The following ZFAND6 variants were observed in gnomAD, a reference collection of about 807,000 sequenced individuals.
The protein encoded by ZFAND6 is AN1-type zinc finger protein 6.
ZFAND6 carries 12 observed loss-of-function variants against 24.5 expected under a neutral mutation model. The ratio of observed to expected loss-of-function variants is 0.49; its 90% CI spans 0.31 to 0.79. ZFAND6 has a LOEUF of 0.79. ZFAND6 is among the 30% of genes least tolerant of loss of function. ZFAND6 has a pLI of 0.04. For synonymous variants in ZFAND6, 92 were observed against 81.5 expected (o/e 1.13, Z -0.69); for missense variants, 207 against 245.9 (o/e 0.84, Z 1.06).
At chr15:80,114,403 T>C (rs951785352) in intron 2 of ZFAND6, among the ~76,000 whole-genome samples, 1 of 152,144 alleles carries the variant, frequency 6.6e-6, no homozygotes, top group Non-Finnish European at 1.5e-5. Flanking sequence ...AATGCTAGGT[T>C]GAGTACTCCT....
At chr15:80,104,804 T>A (rs1387679375) in intron 2 of ZFAND6, among the ~76,000 whole-genome samples, 2 of 152,228 alleles carry the variant, frequency 1.3e-5, no homozygotes, top group Admixed American at 1.3e-4. Context: ...ACATTTTATT[T>A]ATTGACAGTA....
intron 1 of ZFAND6, among the ~76,000 whole-genome samples, chr15:80,090,859 C>G (rs2038315302): frequency 6.6e-6 from 1 of 152,128 alleles, no homozygotes; most frequent in African/African-American, 2.4e-5. Context: ...TTTTATTGGT[C>G]TTCTAAATTT....
At chr15:80,077,726 G>A (rs2037373839) in intron 1 of ZFAND6, among the ~76,000 whole-genome samples, 1 of 128,682 alleles carries the variant, frequency 7.8e-6, no homozygotes, top group Non-Finnish European at 1.6e-5. Context: ...TGGAGACAGA[G>A]TCTCGCTCTG....
chr15:80,117,132 T>C (rs2039911216), intron 2 of ZFAND6, among the ~76,000 whole-genome samples: 1 of 152,262 alleles, frequency 6.6e-6, no homozygotes, highest in African/African-American at 2.4e-5. Flanking sequence ...GTCAAGGTTT[T>C]TTTCACTTGA....
intron 1 of ZFAND6, among the ~76,000 whole-genome samples, chr15:80,081,609 G>A (rs911988309): frequency 1.1e-4 from 16 of 152,212 alleles, no homozygotes; most frequent in Non-Finnish European, 2.1e-4. Context: ...CTCAGCCTTT[G>A]CCTCATCTGA....
chr15:80,118,997 A>G (rs182335062), intron 2 of ZFAND6, among the ~76,000 whole-genome samples: 71 of 152,318 alleles, frequency 4.7e-4, no homozygotes, highest in Admixed American at 1.1e-3. Flanking sequence ...CTCATTCTTC[A>G]TGATCTTTGA....
chr15:80,111,493 G>A, intron 2 of ZFAND6: 1 of 455,878 alleles, frequency 2.2e-6, no homozygotes, highest in South Asian at 1.5e-5. Flanking sequence ...AGCCACCTAA[G>A]ATAGGAATGT....
intron 2 of ZFAND6, among the ~76,000 whole-genome samples, chr15:80,108,043 A>G (rs1210413159): frequency 6.6e-6 from 1 of 152,216 alleles, no homozygotes; most frequent in Non-Finnish European, 1.5e-5. Context: ...ATTTCTCTGT[A>G]AAATGAGAGT....
chr15:80,123,421 A>G (rs1022383373), intron 5 of ZFAND6, among the ~76,000 whole-genome samples: 7 of 152,182 alleles, frequency 4.6e-5, no homozygotes, highest in African/African-American at 1.4e-4. Context: ...ATCTCTGCTT[A>G]ATTAGTTGTA....
Position 80,101,791 on chromosome 15 carries a change from G to GTT in ZFAND6, c.-18+3231_-18+3232dup, listed in dbSNP as rs750632508. 1.0e-3 allele frequency among the ~76,000 whole-genome samples: 128 copies of GTT among 123,068 alleles called. 1 individual carries two copies. The highest frequency in any genetic ancestry group is 8.4e-3 in the Middle Eastern group (2 of 238). The allele number at this position is 123,068 out of a possible 152,430, so 80.7% of individuals were successfully genotyped here. On this transcript the variant is annotated intron_variant, in intron 2 of 6. Transcript: ENST00000261749. ...ATTTTCTCTGGGTTTTATGTAAAGT[G>GTT]TTTTTTTTTTTTTTTTTTTGAGACG...
intron 6 of ZFAND6, among the ~76,000 whole-genome samples, chr15:80,131,673 G>A (rs541018278): frequency 5.4e-4 from 83 of 152,326 alleles, no homozygotes; most frequent in South Asian, 1.2e-3. Context: ...TGTGGGTTCA[G>A]TGAGTTAAGA....
At chr15:80,085,556 G>A (rs2037941709) in intron 1 of ZFAND6, among the ~76,000 whole-genome samples, 1 of 152,002 alleles carries the variant, frequency 6.6e-6, no homozygotes, top group Non-Finnish European at 1.5e-5. Flanking sequence ...ATTAATTATG[G>A]AAAATTTGGC....
intron 1 of ZFAND6, among the ~76,000 whole-genome samples, chr15:80,082,173 T>C (rs1418155655): frequency 6.6e-6 from 1 of 152,198 alleles, no homozygotes; most frequent in Non-Finnish European, 1.5e-5. Context: ...ATGGTGTGAC[T>C]GTGAGCAGTG....
chr15:80,132,336 A>G (rs1211819836), intron 6 of ZFAND6, among the ~76,000 whole-genome samples: 3 of 151,540 alleles, frequency 2.0e-5, no homozygotes, highest in Non-Finnish European at 4.4e-5. Flanking sequence ...GTATTTTATC[A>G]TTTACTACCA....
At chr15:80,061,025 C>A (rs930609914) in intron 1 of ZFAND6, among the ~76,000 whole-genome samples, 16 of 152,208 alleles carry the variant, frequency 1.1e-4, no homozygotes, top group African/African-American at 3.9e-4. Flanking sequence ...TGTAAAATAC[C>A]ATAAACTTTT....
chr15:80,118,038 A>G (rs199571356), intron 2 of ZFAND6, among the ~76,000 whole-genome samples: 94 of 60,452 alleles, frequency 1.6e-3, no homozygotes, highest in Admixed American at 3.1e-3. Context: ...GTGTGTGTAT[A>G]TGTATGTATA....
intron 1 of ZFAND6, among the ~76,000 whole-genome samples, chr15:80,092,054 G>T (rs2038409562): frequency 6.6e-6 from 1 of 152,132 alleles, no homozygotes; most frequent in African/African-American, 2.4e-5. Flanking sequence ...GAGTAGAGGT[G>T]ATGTTTTTGT....
Position 80,120,349 on chromosome 15 carries a change from C to A in ZFAND6, c.5C>A (p.Ala2Asp). M[A>D]QETNHSQVPM... ...TCAGGTGTGCAACTGAGGAACATGG[C>A]TCAAGAAACTAATCACAGCCAAGTG... Residue 2 changes from alanine to aspartate, a missense_variant, in exon 3 of 7, where the codon GCT (alanine) becomes GAT (aspartate). Physicochemically the swap from Ala to Asp is moderately radical, Grantham distance 126. Around this residue, in one of 3 missense-constraint regions of ZFAND6, gnomAD observed 29 missense variants for 55.4 expected, o/e 0.52. Transcript: ENST00000261749. 6.4e-7 allele frequency: 1 copy of A among 1,568,864 alleles called. No individual in the cohort carries two copies. Among genetic ancestry groups the A allele is most frequent in the South Asian group, 1.2e-5 (1 of 84,186 alleles).
rs568589620 is a variant in ZFAND6 at position 80,133,184 on chromosome 15, G to T, written c.478+1891G>T. Among the ~76,000 whole-genome samples, 20 of 133,568 alleles carry T rather than the reference G, an allele frequency of 1.5e-4. No homozygotes were observed. In the South Asian group the frequency reaches 2.0e-3, roughly 13 times the overall value. The allele number at this position is 133,568 out of a possible 152,430, so 87.6% of individuals were successfully genotyped here. On this transcript the variant is annotated intron_variant, in intron 6 of 6. Coordinates refer to ENST00000261749, the MANE Select transcript of ZFAND6 (RefSeq NM_019006.4). ...CCAGCAAAGGATGGTGTTTTTTTTT[G>T]TTTGTTTGTTTTTTGTTTTTTTTTT...
Sources: gnomAD v4.1 joint callset for allele counts (sites outside exome capture counted in the v4.1 genomes callset) on GRCh38, gnomAD v4.1.1 for gene constraint, gnomAD v4.1.1 regional missense constraint, MANE v1.5 for transcripts, NCBI Gene and HGNC (gene_info 2026-07-23, HGNC 2026-07-21) for gene names.